DUSP5: variants seen among roughly 807,000 people sequenced by gnomAD.
DUSP5 encodes dual specificity phosphatase 5, also known as dual specificity protein phosphatase 5.
Under a neutral mutation model 33.6 loss-of-function variants are expected in DUSP5, and 22 were observed. That is an observed-to-expected ratio of 0.66 (90% CI 0.47 to 0.94). The LOEUF (loss-of-function observed/expected upper bound fraction) is 0.94. DUSP5 is among the 40% of genes least tolerant of loss of function. The pLI is 0.00. For synonymous variants in DUSP5, 270 were observed against 231.1 expected, an observed-to-expected ratio of 1.17 and a Z score of -1.53; for missense variants, 551 against 522.1, an observed-to-expected ratio of 1.06 and a Z score of -0.54.
Position 110,502,812 on chromosome 10 carries a change from C to T in DUSP5, c.471C>T (p.Leu157=). Reference sequence around the variant, plus strand: ...AGAAGATTGAGAGTGAGAGAGCCCTCATCAGCCAGTGTGGAAAACCAGTGG... The same window carrying T: ...AGAAGATTGAGAGTGAGAGAGCCCTTATCAGCCAGTGTGGAAAACCAGTGG... ...SQEKIESERA[L]ISQCGKPVVN... The change falls in exon 2 of 4, where the codon CTC becomes CTT. Residue 157 remains leucine (L), a synonymous_variant. Coordinates refer to ENST00000369583, the MANE Select transcript of DUSP5 (RefSeq NM_004419.4). The T allele has an allele frequency of 6.2e-7, 1 of 1,614,160 alleles. No homozygotes were observed. Among genetic ancestry groups the T allele is most frequent in the Non-Finnish European group, 8.5e-7 (1 of 1,180,034 alleles).
chr10:110,498,438 G>T lies in DUSP5; in HGVS notation c.317G>T (p.Arg106Leu). 1 of 1,539,352 alleles carries T rather than the reference G, an allele frequency of 6.5e-7. No individual in the cohort carries two copies. Among genetic ancestry groups the T allele is most frequent in the East Asian group, 2.6e-5 (1 of 37,970 alleles). Residue 106 changes from arginine to leucine, a missense_variant, in exon 1 of 4, where the codon CGT (arginine) becomes CTT (leucine). This residue lies in a region of DUSP5 where 381 missense variants were observed against 310.4 expected (regional missense o/e 1.23). Transcript: ENST00000369583. ...WQKLREESAA[R>L]VVLTSLLACL... ...AAGCTGCGAGAGGAGAGCGCCGCGC[G>T]TGTCGTCCTCACCTCGCTACTCGCT...
intron 1 of DUSP5, among the ~76,000 whole-genome samples, chr10:110,501,122 C>T (rs1011776071): frequency 1.2e-4 from 18 of 152,146 alleles, no homozygotes; most frequent in Non-Finnish European, 1.2e-4. Context: ...GGTCCAGGCA[C>T]GGGAAGTGAT....
chr10:110,505,580 C>T (rs897778690), intron 2 of DUSP5, among the ~76,000 whole-genome samples: 1 of 152,228 alleles, frequency 6.6e-6, no homozygotes, highest in African/African-American at 2.4e-5. Flanking sequence ...CCCACGCACC[C>T]TTCCCTGTTA....
At position 110,502,653 on chromosome 10, in the gene DUSP5, T is replaced by C; in HGVS notation, c.380-68T>C. 4.5e-6 allele frequency: 7 copies of C among 1,555,002 alleles called. No homozygotes were observed. The Middle Eastern group carries it at 1.2e-3, about 266-fold the overall frequency. ...TAACACTCAGAGTATTGATTAACTA[T>C]GGGTATTTTTGACAGCGTGAGAAAT... On this transcript the variant is annotated intron_variant, in intron 1 of 3. Coordinates refer to ENST00000369583, the MANE Select transcript of DUSP5 (RefSeq NM_004419.4).
At position 110,506,957 on chromosome 10, in the gene DUSP5, C is replaced by G; in HGVS notation, c.551C>G (p.Pro184Arg). 6.2e-7 allele frequency: 1 copy of G among 1,614,264 alleles called. No homozygotes were observed. The highest frequency in any genetic ancestry group is 8.5e-7 in the Non-Finnish European group (1 of 1,180,038). The part of the protein sequence containing the change: ...YDQGGPVEIL[P>R]FLYLGSAYHA... Reference sequence around the variant, plus strand: ...CAGGGTGGCCCAGTTGAAATCCTTCCCTTCCTCTACCTTGGAAGTGCCTAC... The same window carrying G: ...CAGGGTGGCCCAGTTGAAATCCTTCGCTTCCTCTACCTTGGAAGTGCCTAC... The change falls in exon 3 of 4, where the codon CCC becomes CGC. Residue 184 changes from proline (P) to arginine (R), a missense_variant. Transcript: ENST00000369583.
intron 3 of DUSP5, among the ~76,000 whole-genome samples, chr10:110,507,733 C>T (rs760989739): frequency 1.3e-5 from 2 of 152,228 alleles, no homozygotes; most frequent in Admixed American, 6.5e-5. Context: ...ATTCTTGTTA[C>T]GCAGTTATTT....
chr10:110,506,001 T>TA (rs1336150912), intron 2 of DUSP5, among the ~76,000 whole-genome samples: 1 of 152,204 alleles, frequency 6.6e-6, no homozygotes, highest in East Asian at 1.9e-4. Context: ...CAACATTTTT[T>TA]ATCTAAAGAT....
chr10:110,504,114 G>A (rs560445014), intron 2 of DUSP5, among the ~76,000 whole-genome samples: 1 of 152,218 alleles, frequency 6.6e-6, no homozygotes, highest in East Asian at 1.9e-4. Context: ...GGCCTAGCTA[G>A]ATTTCTACTT....
chr10:110,505,877 G>T (rs1319399593), intron 2 of DUSP5, among the ~76,000 whole-genome samples: 1 of 152,130 alleles, frequency 6.6e-6, no homozygotes, highest in Admixed American at 6.5e-5. Flanking sequence ...AGAAATCTGG[G>T]GTGTGGGTAG....
In DUSP5 at chr10:110,510,969, A is replaced by T. The variant is rs2134666371; in HGVS notation, c.*543A>T. The T allele has an allele frequency of 6.5e-6, 1 of 153,298 alleles. No individual in the cohort carries two copies. Among genetic ancestry groups the T allele is most frequent in the East Asian group, 1.9e-4 (1 of 5,186 alleles). The allele number at this position is 153,298 out of a possible 1,614,324, so 9.5% of individuals were successfully genotyped here. A position where few individuals can be genotyped will look rare whatever the true frequency, so the allele number is the denominator to read the frequency against. ...TCAGCATCCTGATTTGAACCCTGAA[A>T]TGTTGTGTAGACACCCTCTTGGGTC... On this transcript the variant is annotated 3_prime_UTR_variant, in exon 4 of 4. Transcript: ENST00000369583.
At chr10:110,498,929 G>T (rs1179278439) in intron 1 of DUSP5, among the ~76,000 whole-genome samples, 1 of 152,128 alleles carries the variant, frequency 6.6e-6, no homozygotes, top group Non-Finnish European at 1.5e-5. Context: ...TGGCGCCGTG[G>T]TGCCCCCCTT....
At chr10:110,507,955 C>A (rs188198174) in intron 3 of DUSP5, among the ~76,000 whole-genome samples, 2 of 152,326 alleles carry the variant, frequency 1.3e-5, no homozygotes, top group Admixed American at 1.3e-4. Context: ...TGTGATCATG[C>A]CCCGTTTTCC....
chr10:110,506,398 C>CTG (rs768185081), intron 2 of DUSP5, among the ~76,000 whole-genome samples: 14 of 152,102 alleles, frequency 9.2e-5, no homozygotes, highest in Non-Finnish European at 1.6e-4. Context: ...TGCCGCTGCA[C>CTG]TGCAGCCTGG....
In DUSP5 at chr10:110,507,177, A is replaced by T. The variant is rs1251730533; in HGVS notation, c.748+23A>T. The T allele has an allele frequency of 1.9e-6, 3 of 1,604,594 alleles. No homozygotes were observed. In the South Asian group the frequency reaches 3.3e-5, roughly 18 times the overall value. On this transcript the variant is annotated intron_variant, in intron 3 of 3. Coordinates refer to ENST00000369583, the MANE Select transcript of DUSP5 (RefSeq NM_004419.4). ...TTGGTAGGTTTAGCCATTCCCCTTC[A>T]GTTATTTTGGGAGCCCCTTTGGGGC...
chr10:110,510,028 A>G lies in DUSP5; in HGVS notation c.757A>G (p.Arg253Gly). 1.3e-6 allele frequency: 2 copies of G among 1,595,780 alleles called. No individual in the cohort carries two copies. The highest frequency in any genetic ancestry group is 1.7e-6 in the Non-Finnish European group (2 of 1,167,336). ...QEAIDFIDCV[R>G]EKGGKVLVHC... The stretch of plus-strand genomic sequence containing the variant: ...TCTTTTCTTCCTTCCAGACTGTGTC[A>G]GGGAAAAGGGAGGCAAGGTCCTGGT... Residue 253 changes from arginine to glycine, a missense_variant, in exon 4 of 4, where the codon AGG (arginine) becomes GGG (glycine). By Grantham distance (125) the Arg-to-Gly change is moderately radical (BLOSUM62 -2). Around this residue, in one of 3 missense-constraint regions of DUSP5, gnomAD observed 158 missense variants for 181.8 expected, o/e 0.87. Transcript: ENST00000369583.
chr10:110,498,651 T>A, intron 1 of DUSP5, 151 bp downstream of exon 1: 7 of 1,231,068 alleles, frequency 5.7e-6, no homozygotes, highest in Non-Finnish European at 7.2e-6. Context: ...GGGAGGGCAC[T>A]GCAAATGTCA....
At position 110,505,650 on chromosome 10, in the gene DUSP5, G is replaced by T. The variant is rs187748049; in HGVS notation, c.529-1285G>T. 1.5e-3 allele frequency among the ~76,000 whole-genome samples: 234 copies of T among 152,296 alleles called. 1 individual carries two copies. The highest frequency in any genetic ancestry group is 5.5e-3 in the African/African-American group (227 of 41,552). ...TCCAGGGCAGGAAATGGAAACACAG[G>T]AAGCAGATGGTTGGCATGGGAAAGG... On this transcript the variant is annotated intron_variant, in intron 2 of 3. Transcript: ENST00000369583.
chr10:110,507,013 C>T lies in DUSP5; in HGVS notation c.607C>T (p.Leu203=), dbSNP rs1889567. Residue 203 remains leucine, a synonymous_variant, in exon 3 of 4, where the codon CTG becomes TTG. Coordinates refer to ENST00000369583, the MANE Select transcript of DUSP5 (RefSeq NM_004419.4). The part of the protein sequence containing the change: ...HASKCEFLAN[L]HITALLNVSR... ...ATCCAAGTGCGAGTTCCTCGCCAAC[C>T]TGCACATCACAGCCCTGCTGAATGT... 508,660 of 1,614,098 alleles carry T rather than the reference C, an allele frequency of 0.32. 81,481 individuals are homozygous for T. Among genetic ancestry groups the T allele is most frequent in the East Asian group, 0.38 (17,194 of 44,878 alleles).
rs767380690 is a variant in DUSP5 at position 110,510,166 on chromosome 10, A to G, written c.895A>G (p.Met299Val). The G allele has an allele frequency of 7.1e-5, 114 of 1,614,098 alleles. No individual in the cohort carries two copies. The highest frequency in any genetic ancestry group is 1.3e-4 in the East Asian group (6 of 44,884). The change falls in exon 4 of 4, where the codon ATG (methionine) becomes GTG (valine). Residue 299 changes from methionine (M) to valine (V), a missense_variant. Transcript: ENST00000369583. ...AFDYIKQRRS[M>V]VSPNFGFMGQ... ...CGATTACATCAAGCAGAGGAGGAGC[A>G]TGGTCTCGCCCAACTTTGGCTTCAT...
Sources: allele counts gnomAD v4.1 joint callset (sites outside exome capture counted in the v4.1 genomes callset), GRCh38; gene constraint gnomAD v4.1.1; regional missense constraint gnomAD v4.1.1; transcripts MANE v1.5; gene names NCBI Gene and HGNC (gene_info 2026-07-23, HGNC 2026-07-21).